The following MTHFD2L variants were observed in gnomAD, a reference collection of about 807,000 sequenced individuals.
The protein encoded by MTHFD2L is bifunctional methylenetetrahydrofolate dehydrogenase/cyclohydrolase 2, mitochondrial.
In MTHFD2L, 29 loss-of-function variants were observed where a neutral mutation model predicts 34.9. The observed-to-expected ratio is 0.83, with a 90% CI of 0.62 to 1.13. The LOEUF is 1.13. MTHFD2L is among the 50% of genes most tolerant of loss of function. The probability of loss-of-function intolerance (pLI) is 0.00; values close to 1 mark genes in which losing one functional copy is unlikely to be tolerated. For missense variants in MTHFD2L, 481 were observed against 446.5 expected, an observed-to-expected ratio of 1.08 and a Z score of -0.70; for synonymous variants, 167 against 155.7, an observed-to-expected ratio of 1.07 and a Z score of -0.54.
intron 3 of MTHFD2L, among the ~76,000 whole-genome samples, chr4:74,196,470 A>G (rs892663439): frequency 5.3e-5 from 8 of 152,188 alleles, no homozygotes; most frequent in African/African-American, 1.9e-4. Flanking sequence ...TAAAGGACAC[A>G]ATGTTTACTA....
intron 5 of MTHFD2L, among the ~76,000 whole-genome samples, chr4:74,216,081 G>A (rs1202947075): frequency 6.6e-6 from 1 of 151,362 alleles, no homozygotes; most frequent in Non-Finnish European, 1.5e-5. Context: ...TTCTCCTAAG[G>A]GATTTTATAA....
chr4:74,170,362 G>C (rs1578329024), intron 1 of MTHFD2L, among the ~76,000 whole-genome samples: 2 of 152,090 alleles, frequency 1.3e-5, no homozygotes, highest in Admixed American at 1.3e-4. Flanking sequence ...ACTAACACTC[G>C]AGAAAAACAT....
At chr4:74,158,359 G>T in intron 1 of MTHFD2L, 78 bp downstream of exon 1, 2 of 1,076,442 alleles carry the variant, frequency 1.9e-6, no homozygotes, top group African/African-American at 1.7e-5. Context: ...GCTCGCGCGC[G>T]TGGGGCCCAA....
At chr4:74,173,630 T>C (rs932330709) in intron 1 of MTHFD2L, among the ~76,000 whole-genome samples, 15 of 152,162 alleles carry the variant, frequency 9.9e-5, no homozygotes, top group African/African-American at 3.6e-4. Flanking sequence ...ACGAACTGAT[T>C]TCGCCTTAGG....
At chr4:74,157,045 GTTTT>G (rs1287447274), upstream of MTHFD2L, 1 of 152,008 alleles carries the variant, frequency 6.6e-6, no homozygotes, top group Non-Finnish European at 1.5e-5. Context: ...AGTTTAAATT[GTTTT>G]TTTCTTTTAT....
At chr4:74,203,882 A>G (rs1480536010) in intron 5 of MTHFD2L, among the ~76,000 whole-genome samples, 3 of 122,540 alleles carry the variant, frequency 2.4e-5, no homozygotes, top group African/African-American at 9.1e-5. Context: ...AATTTTGACC[A>G]AGAGCCAATT....
intron 1 of MTHFD2L, among the ~76,000 whole-genome samples, chr4:74,133,785 G>T (rs1722716035): frequency 6.6e-6 from 1 of 152,092 alleles, no homozygotes; most frequent in South Asian, 2.1e-4. Flanking sequence ...TAGTTATAAA[G>T]TTCACATATC....
At chr4:74,155,043 A>G (rs928021286), upstream of MTHFD2L, among the ~76,000 whole-genome samples, 2 of 152,130 alleles carry the variant, frequency 1.3e-5, no homozygotes, top group African/African-American at 4.8e-5. Context: ...TTCCATTTAA[A>G]TAACTGTTTA....
chr4:74,218,038 A>G (rs1276867243), intron 5 of MTHFD2L, among the ~76,000 whole-genome samples: 2 of 152,068 alleles, frequency 1.3e-5, no homozygotes, highest in African/African-American at 4.8e-5. Flanking sequence ...AACCTAGCAC[A>G]CTGTATTGTG....
chr4:74,247,582 G>T lies in MTHFD2L; in HGVS notation c.805+22188G>T, dbSNP rs201757836. ...CAGTTTTCAAAGGGAATGCTTCCAG[G>T]TTTTGCCCATTCAGTATGATATTGG... On this transcript the variant is annotated intron_variant, in intron 6 of 7. Coordinates refer to ENST00000325278, the MANE Select transcript of MTHFD2L (RefSeq NM_001144978.3). 8.9e-3 allele frequency among the ~76,000 whole-genome samples: 1,358 copies of T among 152,202 alleles called. 29 individuals carry two copies. The highest frequency in any genetic ancestry group is 0.067 in the South Asian group (321 of 4,822).
At chr4:74,281,751 T>G (rs1747515865) in intron 7 of MTHFD2L, among the ~76,000 whole-genome samples, 1 of 152,120 alleles carries the variant, frequency 6.6e-6, no homozygotes, top group South Asian at 2.1e-4. Context: ...CATCCTTCCT[T>G]TCTTCCTTTT....
intron 6 of MTHFD2L, among the ~76,000 whole-genome samples, chr4:74,246,601 T>C (rs1560526918): frequency 6.6e-6 from 1 of 152,212 alleles, no homozygotes; most frequent in East Asian, 1.9e-4. Context: ...CTAGGGTTTT[T>C]ACAGTTTTAG....
chr4:74,267,047 C>A, intron 6 of MTHFD2L: 1 of 985,374 alleles, frequency 1.0e-6, no homozygotes, highest in Non-Finnish European at 1.2e-6. Flanking sequence ...CTCTTTTCAA[C>A]TAATATACCT....
rs566722724 is a variant in MTHFD2L, at chr4:74,301,806, C to T, written c.1041C>T (p.Tyr347=). 37 of 1,594,428 alleles carry T rather than the reference C, an allele frequency of 2.3e-5. No individual in the cohort carries two copies. The African/African-American group carries it at 4.4e-4, about 19-fold the overall frequency. The part of the protein sequence containing the change: ...NTLLAAKKII[Y] ...TTCTGGCAGCTAAAAAAATCATTTA[C>T]TAGATCACATGAAAGGATAAAGCAA... Residue 347 remains tyrosine, a synonymous_variant, in exon 8 of 8, where the codon TAC becomes TAT. Transcript: ENST00000325278.
At chr4:74,158,024 G>C (rs1294625646), upstream of MTHFD2L, 1 of 1,463,950 alleles carries the variant, frequency 6.8e-7, no homozygotes, top group African/African-American at 1.4e-5. Context: ...AACCTGGCTG[G>C]GAAGCGCTAC....
At chr4:74,142,964 G>A (rs1445116580) in intron 1 of MTHFD2L, among the ~76,000 whole-genome samples, 1 of 152,146 alleles carries the variant, frequency 6.6e-6, no homozygotes, top group Non-Finnish European at 1.5e-5. Flanking sequence ...ACCTGAAAAA[G>A]GTGTTGTCTG....
intron 7 of MTHFD2L, among the ~76,000 whole-genome samples, chr4:74,294,614 G>T (rs1239056797): frequency 6.6e-6 from 1 of 151,970 alleles, no homozygotes; most frequent in African/African-American, 2.4e-5. Context: ...TGTCATCTAT[G>T]CCACCCTTGG....
chr4:74,298,751 G>T (rs1237102373), intron 7 of MTHFD2L, among the ~76,000 whole-genome samples: 3 of 151,908 alleles, frequency 2.0e-5, no homozygotes, highest in African/African-American at 7.2e-5. Flanking sequence ...CTTTTTTCCA[G>T]AATATCCTGC....
At chr4:74,217,322 TTTTAG>T (rs1737368460) in intron 5 of MTHFD2L, among the ~76,000 whole-genome samples, 1 of 151,852 alleles carries the variant, frequency 6.6e-6, no homozygotes, top group South Asian at 2.1e-4. Flanking sequence ...GAAAGGTTAT[TTTTAG>T]TTTGTTTTTA....
Sources: gnomAD v4.1 joint callset for allele counts (sites outside exome capture counted in the v4.1 genomes callset) on GRCh38, gnomAD v4.1.1 for gene constraint, MANE v1.5 for transcripts, NCBI Gene and HGNC (gene_info 2026-07-23, HGNC 2026-07-21) for gene names.